Variants in PPM1D observed in about 807,000 individuals in gnomAD.
PPM1D encodes the protein protein phosphatase, Mg2+/Mn2+ dependent 1D.
PPM1D carries 52 observed loss-of-function variants against 58.3 expected under a neutral mutation model. The ratio of observed to expected loss-of-function variants is 0.89; its 90% CI spans 0.71 to 1.12. The LOEUF is 1.12. Among genes scored for constraint, PPM1D ranks in the 50% most tolerant of loss-of-function variants. PPM1D has a pLI of 0.00. For missense variants in PPM1D, 564 were observed against 777.2 expected (o/e 0.73, Z 3.26); for synonymous variants, 278 against 285.1 (o/e 0.98, Z 0.25).
At chr17:60,622,348 G>T (rs2030724708) in intron 1 of PPM1D, among the ~76,000 whole-genome samples, 1 of 151,908 alleles carries the variant, frequency 6.6e-6, no homozygotes, top group Admixed American at 6.5e-5. Context: ...ACCTTTCTGT[G>T]TGTGTCTATA....
intron 3 of PPM1D, among the ~76,000 whole-genome samples, chr17:60,647,365 T>A (rs1436941559): frequency 6.6e-6 from 1 of 152,196 alleles, no homozygotes; most frequent in Non-Finnish European, 1.5e-5. Context: ...ATTTAAACAT[T>A]TATATTTTCT....
At chr17:60,606,158 G>A (rs2030326032) in intron 1 of PPM1D, among the ~76,000 whole-genome samples, 1 of 152,110 alleles carries the variant, frequency 6.6e-6, no homozygotes, top group African/African-American at 2.4e-5. Flanking sequence ...GTAGAAAAGT[G>A]TTCTTTTGTG....
Position 60,666,273 on chromosome 17 carries a change from C to CT in PPM1D, c.*2722dup. ...TTTTGTCCCTAAATAAACTATCTCA[C>CT]TAACAAAGTTGAGAATAATTTTTTT... On this transcript the variant is annotated 3_prime_UTR_variant, in exon 6 of 6. Coordinates refer to ENST00000305921, the MANE Select transcript of PPM1D (RefSeq NM_003620.4). The CT allele has an allele frequency of 6.6e-6, 1 of 152,164 alleles. No homozygotes were observed. The highest frequency in any genetic ancestry group is 2.1e-4 in the South Asian group (1 of 4,824). The allele number at this position is 152,164 out of a possible 1,614,324, so 9.4% of individuals were successfully genotyped here.
intron 1 of PPM1D, among the ~76,000 whole-genome samples, chr17:60,612,453 C>A (rs2030478537): frequency 6.6e-6 from 1 of 152,100 alleles, no homozygotes; most frequent in Admixed American, 6.6e-5. Context: ...GGCTACAAAC[C>A]TGTATGCAGG....
chr17:60,635,785 T>G lies in PPM1D; in HGVS notation c.826+1808T>G, dbSNP rs576684115. On this transcript the variant is annotated intron_variant, in intron 3 of 5. Coordinates refer to ENST00000305921, the MANE Select transcript of PPM1D (RefSeq NM_003620.4). Reference sequence around the variant, plus strand: ...TTAGTTTTATTAGGTATTGCTAAATTTCTTCCCAAAGTGATTATCCCAGGT... The same window carrying G: ...TTAGTTTTATTAGGTATTGCTAAATGTCTTCCCAAAGTGATTATCCCAGGT... Among the ~76,000 whole-genome samples the G allele has an allele frequency of 9.6e-4, 146 of 152,306 alleles. 2 individuals carry two copies. Among genetic ancestry groups the G allele is most frequent in the African/African-American group, 3.4e-3 (141 of 41,582 alleles).
intron 1 of PPM1D, among the ~76,000 whole-genome samples, chr17:60,601,529 TG>T (rs1383643094): frequency 6.6e-6 from 1 of 152,232 alleles, no homozygotes; most frequent in African/African-American, 2.4e-5. Context: ...CGGAACGTGT[TG>T]TTACCTCTTA....
At chr17:60,653,931 G>A (rs1003555515) in intron 4 of PPM1D, among the ~76,000 whole-genome samples, 6 of 152,088 alleles carry the variant, frequency 3.9e-5, no homozygotes, top group Admixed American at 2.0e-4. Context: ...TTTTGGTGGC[G>A]TCTTTAGGTT....
chr17:60,621,649 C>T (rs1302119344), intron 1 of PPM1D, among the ~76,000 whole-genome samples: 2 of 149,888 alleles, frequency 1.3e-5, no homozygotes, highest in African/African-American at 4.9e-5. Context: ...TCTCGGCTCA[C>T]TGCAAGCTCC....
chr17:60,634,281 G>A lies in PPM1D; in HGVS notation c.826+304G>A, dbSNP rs2030982298. On this transcript the variant is annotated intron_variant, in intron 3 of 5. Coordinates refer to ENST00000305921, the MANE Select transcript of PPM1D (RefSeq NM_003620.4). Reference sequence around the variant, plus strand: ...ACAAAAATTAGCTGGGCATAGTGATGTGTAGCTGTAGTCCTAGCTACTCAA... The same window carrying A: ...ACAAAAATTAGCTGGGCATAGTGATATGTAGCTGTAGTCCTAGCTACTCAA... 1.3e-5 allele frequency among the ~76,000 whole-genome samples: 2 copies of A among 152,232 alleles called. 1 individual carries two copies. The highest frequency in any genetic ancestry group is 4.1e-4 in the South Asian group (2 of 4,824).
At chr17:60,645,346 C>A (rs1410586624) in intron 3 of PPM1D, among the ~76,000 whole-genome samples, 2 of 151,308 alleles carry the variant, frequency 1.3e-5, no homozygotes, top group African/African-American at 2.4e-5. Flanking sequence ...AAGAGCGAAA[C>A]TCCATCTCAA....
rs2030182199 is a variant in PPM1D at position 60,600,550 on chromosome 17, T to A, written c.136T>A (p.Ser46Thr). The change falls in exon 1 of 6, where the codon TCT (serine) becomes ACT (threonine). Residue 46 changes from serine (S) to threonine (T), a missense_variant. Around this residue, in one of 7 missense-constraint regions of PPM1D, gnomAD observed 132 missense variants for 150.4 expected, o/e 0.88. Coordinates refer to ENST00000305921, the MANE Select transcript of PPM1D (RefSeq NM_003620.4). ...EEKPSPRRSL[S>T]QPLPPRPSPA... Reference sequence around the variant, plus strand: ...AAAGCCCTCGCCGCGGCGGTCGCTGTCTCAGCCGTTGCCTCCGCGGCCGTC... The same window carrying A: ...AAAGCCCTCGCCGCGGCGGTCGCTGACTCAGCCGTTGCCTCCGCGGCCGTC... 1.3e-6 allele frequency: 2 copies of A among 1,553,118 alleles called. No individual in the cohort carries two copies. The highest frequency in any genetic ancestry group is 3.9e-5 in the Admixed American group (2 of 51,086).
intron 5 of PPM1D, chr17:60,662,547 A>G (rs565837360): frequency 6.4e-6 from 1 of 155,746 alleles, no homozygotes; most frequent in South Asian, 2.0e-4. Context: ...GTAAATTAAA[A>G]TGCACACAGA....
chr17:60,625,107 A>G (rs1468745003), intron 2 of PPM1D, among the ~76,000 whole-genome samples: 2 of 152,168 alleles, frequency 1.3e-5, no homozygotes, highest in Admixed American at 6.6e-5. Flanking sequence ...GCGCCACTGC[A>G]CTCCAGCCTG....
At chr17:60,653,895 C>T (rs1011380124) in intron 4 of PPM1D, among the ~76,000 whole-genome samples, 1 of 152,150 alleles carries the variant, frequency 6.6e-6, no homozygotes, top group Non-Finnish European at 1.5e-5. Context: ...CCTGCAGTTT[C>T]ACTGAATTTA....
chr17:60,645,512 G>T (rs1268726474), intron 3 of PPM1D, among the ~76,000 whole-genome samples: 1 of 131,140 alleles, frequency 7.6e-6, no homozygotes, highest in Non-Finnish European at 1.5e-5. Context: ...ATATATATGT[G>T]TATATATATG....
intron 3 of PPM1D, among the ~76,000 whole-genome samples, chr17:60,643,575 A>C (rs1048079528): frequency 6.6e-6 from 1 of 152,184 alleles, no homozygotes; most frequent in Non-Finnish European, 1.5e-5. Context: ...AGAACAGGAT[A>C]TTTCACAGAG....
At chr17:60,607,153 G>T (rs1337925131) in intron 1 of PPM1D, among the ~76,000 whole-genome samples, 5 of 151,884 alleles carry the variant, frequency 3.3e-5, no homozygotes, top group Non-Finnish European at 5.9e-5. Flanking sequence ...TTATTAAAAG[G>T]TCATTATTTT....
At chr17:60,619,773 A>G (rs1376144931) in intron 1 of PPM1D, among the ~76,000 whole-genome samples, 1 of 151,644 alleles carries the variant, frequency 6.6e-6, no homozygotes, top group Admixed American at 6.6e-5. Context: ...GCTAATTTTT[A>G]AATTTTTAGT....
intron 4 of PPM1D, among the ~76,000 whole-genome samples, chr17:60,650,384 C>G (rs2031321105): frequency 6.6e-6 from 1 of 152,150 alleles, no homozygotes; most frequent in Non-Finnish European, 1.5e-5. Context: ...AACCCCATCT[C>G]TACTAAAAAT....
Sources: gnomAD v4.1 joint callset for allele counts (sites outside exome capture counted in the v4.1 genomes callset) on GRCh38, gnomAD v4.1.1 for gene constraint, gnomAD v4.1.1 regional missense constraint, MANE v1.5 for transcripts, NCBI Gene and HGNC (gene_info 2026-07-23, HGNC 2026-07-21) for gene names.